DLEU7: variants seen among roughly 807,000 people sequenced by gnomAD.
The protein encoded by DLEU7 is leukemia-associated protein 7.
A neutral mutation model predicts 16.0 loss-of-function variants in DLEU7; 17 were observed. That is an observed-to-expected ratio of 1.06 (90% CI 0.73 to 1.59). The LOEUF is 1.59. DLEU7 is among the 40% of genes most tolerant of loss of function. The pLI, the probability that DLEU7 is intolerant of heterozygous loss-of-function variation, is 0.00. For synonymous variants in DLEU7, 113 were observed against 139.8 expected, an observed-to-expected ratio of 0.81 and a Z score of 1.35; for missense variants, 308 against 314.9, an observed-to-expected ratio of 0.98 and a Z score of 0.17.
At chr13:50,785,571 A>T (rs981345408) in intron 1 of DLEU7, among the ~76,000 whole-genome samples, 15 of 152,240 alleles carry the variant, frequency 9.9e-5, no homozygotes, top group African/African-American at 3.6e-4. Flanking sequence ...AACTTGGCCA[A>T]CTACTGGGTG....
intron 1 of DLEU7, among the ~76,000 whole-genome samples, chr13:50,722,356 ACTT>A (rs1873645993): frequency 1.3e-5 from 2 of 152,322 alleles, no homozygotes; most frequent in Admixed American, 1.3e-4. Flanking sequence ...ATAGCCATAA[ACTT>A]CTTCTCTATT....
intron 1 of DLEU7, among the ~76,000 whole-genome samples, chr13:50,799,514 A>G (rs775174173): frequency 9.2e-5 from 14 of 152,176 alleles, no homozygotes; most frequent in Non-Finnish European, 1.8e-4. Context: ...CGTCTCTGCA[A>G]TTGTAAAAAG....
intron 1 of DLEU7, among the ~76,000 whole-genome samples, chr13:50,823,980 AC>A (rs1877002585): frequency 6.6e-6 from 1 of 152,122 alleles, no homozygotes; most frequent in South Asian, 2.1e-4. Flanking sequence ...TGAACAATAA[AC>A]CCCAAGATTT....
chr13:50,779,338 A>C (rs746127374), intron 1 of DLEU7, among the ~76,000 whole-genome samples: 3 of 152,216 alleles, frequency 2.0e-5, no homozygotes, highest in Non-Finnish European at 4.4e-5. Context: ...CCAAAGTTTG[A>C]ATTGCAATCC....
At chr13:50,826,375 C>T (rs1877087902) in intron 1 of DLEU7, among the ~76,000 whole-genome samples, 1 of 151,850 alleles carries the variant, frequency 6.6e-6, no homozygotes, top group Admixed American at 6.6e-5. Flanking sequence ...GCAAAAGAAG[C>T]CCATCCACTT....
chr13:50,758,660 C>A (rs487601), intron 1 of DLEU7, among the ~76,000 whole-genome samples: 71,480 of 152,038 alleles, frequency 0.47, 17,776 homozygotes, highest in African/African-American at 0.62. Context: ...GGCAGTTGGA[C>A]AGAGGGCTCT....
At chr13:50,744,648 A>T (rs535699612) in intron 1 of DLEU7, among the ~76,000 whole-genome samples, 1 of 152,372 alleles carries the variant, frequency 6.6e-6, no homozygotes, top group East Asian at 1.9e-4. Flanking sequence ...GGAAATGGAG[A>T]AAATATTTAC....
At chr13:50,755,755 G>A (rs550914546) in intron 1 of DLEU7, among the ~76,000 whole-genome samples, 28 of 47,314 alleles carry the variant, frequency 5.9e-4, no homozygotes, top group Admixed American at 3.9e-3. Flanking sequence ...TTTTTTTTGA[G>A]GGGGGGGGCA....
At chr13:50,796,425 A>G (rs1689270541) in intron 1 of DLEU7, among the ~76,000 whole-genome samples, 1 of 152,158 alleles carries the variant, frequency 6.6e-6, no homozygotes, top group Non-Finnish European at 1.5e-5. Context: ...CTGCTAGGCC[A>G]AGGGAGGATG....
chr13:50,748,269 A>G (rs1019406338), intron 1 of DLEU7, among the ~76,000 whole-genome samples: 1 of 139,596 alleles, frequency 7.2e-6, no homozygotes, highest in Non-Finnish European at 1.5e-5. Context: ...TTGTTCAGAA[A>G]TCAATCACAG....
At chr13:50,731,942 A>T (rs919811665) in intron 1 of DLEU7, among the ~76,000 whole-genome samples, 9 of 152,212 alleles carry the variant, frequency 5.9e-5, no homozygotes, top group African/African-American at 2.2e-4. Context: ...ATCTACACAT[A>T]TGTATATTAA....
chr13:50,757,415 G>T lies in DLEU7; in HGVS notation c.460-44175C>A, dbSNP rs577160151. 5.2e-4 allele frequency among the ~76,000 whole-genome samples: 79 copies of T among 152,274 alleles called. 3 individuals are homozygous for T. The South Asian group carries it at 0.012, about 23-fold the overall frequency. ...CATAATTCTTCTTGACTTATTCTCTGCTAATCTGCCATGCTAGGTTTATTG... is the reference window on the plus strand; with the variant it reads ...CATAATTCTTCTTGACTTATTCTCTTCTAATCTGCCATGCTAGGTTTATTG... On this transcript the variant is annotated intron_variant, in intron 1 of 1. Transcript: ENST00000400393.
chr13:50,752,050 GTCTTTT>G (rs1165669167), intron 1 of DLEU7, among the ~76,000 whole-genome samples: 1 of 107,718 alleles, frequency 9.3e-6, no homozygotes, highest in Non-Finnish European at 1.7e-5. Flanking sequence ...TGCTCTTTCA[GTCTTTT>G]TTTTTTTTTT....
chr13:50,756,220 A>G (rs1034587215), intron 1 of DLEU7, among the ~76,000 whole-genome samples: 4 of 152,160 alleles, frequency 2.6e-5, no homozygotes, highest in Non-Finnish European at 5.9e-5. Flanking sequence ...CACTTTCCAG[A>G]GAGCATCAGC....
chr13:50,753,448 GC>G (rs1874645056), intron 1 of DLEU7, among the ~76,000 whole-genome samples: 1 of 152,232 alleles, frequency 6.6e-6, no homozygotes, highest in Non-Finnish European at 1.5e-5. Flanking sequence ...CCCGAGCCCT[GC>G]CCCGTGGGAA....
downstream of DLEU7, among the ~76,000 whole-genome samples, chr13:50,819,219 C>T (rs1876823080): frequency 6.6e-6 from 1 of 152,042 alleles, no homozygotes; most frequent in African/African-American, 2.4e-5. Context: ...GCAGAGACCT[C>T]CTTGAAATAG....
chr13:50,786,514 A>C (rs1875798691), intron 1 of DLEU7, among the ~76,000 whole-genome samples: 1 of 152,188 alleles, frequency 6.6e-6, no homozygotes, highest in African/African-American at 2.4e-5. Flanking sequence ...TACTCGTAGG[A>C]TTCAGCAGGA....
At chr13:50,796,420 A>T (rs7321531) in intron 1 of DLEU7, among the ~76,000 whole-genome samples, 35 of 152,080 alleles carry the variant, frequency 2.3e-4, no homozygotes, top group Non-Finnish European at 5.2e-4. Flanking sequence ...CAAATCTGCT[A>T]GGCCAAGGGA....
intron 1 of DLEU7, among the ~76,000 whole-genome samples, chr13:50,835,918 T>C (rs1186847368): frequency 6.6e-6 from 1 of 152,228 alleles, no homozygotes; most frequent in Non-Finnish European, 1.5e-5. Context: ...AAGAAGAATC[T>C]AGCAGTGTGA....
Sources: allele counts gnomAD v4.1 joint callset (sites outside exome capture counted in the v4.1 genomes callset), GRCh38; gene constraint gnomAD v4.1.1; transcripts MANE v1.5; gene names NCBI Gene and HGNC (gene_info 2026-07-23, HGNC 2026-07-21).